The following CARMIL1 variants were observed in gnomAD, a reference collection of about 807,000 sequenced individuals.
CARMIL1 encodes capping protein regulator and myosin 1 linker 1, also known as F-actin-uncapping protein LRRC16A.
In CARMIL1, 90 loss-of-function variants were observed where a neutral mutation model predicts 177.1. That is an observed-to-expected ratio of 0.51 (90% CI 0.43 to 0.61). The LOEUF (loss-of-function observed/expected upper bound fraction) is 0.61. CARMIL1 is among the 20% of genes least tolerant of loss of function. The pLI is 0.00. For synonymous variants in CARMIL1, 577 were observed against 606.2 expected (o/e 0.95, Z 0.71); for missense variants, 1,380 against 1,667.0 (o/e 0.83, Z 3.00).
intron 2 of CARMIL1, among the ~76,000 whole-genome samples, chr6:25,337,727 T>C (rs184113195): frequency 5.8e-4 from 88 of 152,376 alleles, no homozygotes; most frequent in African/African-American, 1.8e-3. Context: ...ATGATTCTTT[T>C]GTTGCATAGT....
chr6:25,587,436 G>A (rs1813869425), intron 31 of CARMIL1, among the ~76,000 whole-genome samples: 1 of 152,054 alleles, frequency 6.6e-6, no homozygotes, highest in Non-Finnish European at 1.5e-5. Context: ...AAAAACCTGA[G>A]CCAACTTGTT....
chr6:25,318,009 G>T (rs542874717), intron 2 of CARMIL1, among the ~76,000 whole-genome samples: 12 of 152,250 alleles, frequency 7.9e-5, no homozygotes, highest in African/African-American at 2.6e-4. Context: ...ACCGTAAAGC[G>T]TATTCAATTT....
chr6:25,520,179 G>A (rs1472439866), intron 22 of CARMIL1, 65 bp from the exon 23 acceptor site: 1 of 749,742 alleles, frequency 1.3e-6, no homozygotes, highest in African/African-American at 1.8e-5. Context: ...TTTAAAAGAA[G>A]AGTGCTGAAT....
In CARMIL1 at chr6:25,538,000, G is replaced by A; in HGVS notation, c.2196+17G>A. 1 of 1,589,790 alleles carries A rather than the reference G, an allele frequency of 6.3e-7. No individual in the cohort carries two copies. The highest frequency in any genetic ancestry group is 8.6e-7 in the Non-Finnish European group (1 of 1,168,754). On this transcript the variant is annotated intron_variant, in intron 25 of 36. Coordinates refer to ENST00000329474, the MANE Select transcript of CARMIL1 (RefSeq NM_017640.6). ...TCTAAAACGGTGAGTTTCACTTCAG[G>A]CTGTGTGAGAGTCTGGTATAATAAA... is the stretch of plus-strand genomic sequence containing the variant.
intron 27 of CARMIL1, among the ~76,000 whole-genome samples, chr6:25,553,561 T>G (rs1033079331): frequency 2.0e-5 from 3 of 152,178 alleles, no homozygotes; most frequent in African/African-American, 7.2e-5. Flanking sequence ...ATCATTTGAT[T>G]GGTGAAAAGT....
At chr6:25,563,930 A>G in intron 29 of CARMIL1, 13 of 933,002 alleles carry the variant, frequency 1.4e-5, no homozygotes, top group Non-Finnish European at 1.7e-5. Flanking sequence ...CTAGTGAGTC[A>G]TGAAATCAGT....
At chr6:25,572,702 C>CAAAA (rs35085655) in intron 29 of CARMIL1, among the ~76,000 whole-genome samples, 17 of 53,182 alleles carry the variant, frequency 3.2e-4, no homozygotes, top group Non-Finnish European at 4.0e-4. Context: ...GACCTTGTCT[C>CAAAA]AAAAAAAAAA....
intron 2 of CARMIL1, among the ~76,000 whole-genome samples, chr6:25,373,607 A>G (rs1790659323): frequency 6.8e-6 from 1 of 146,806 alleles, no homozygotes; most frequent in Non-Finnish European, 1.5e-5. Flanking sequence ...TTTTTTTGAC[A>G]GAGTCTCGCT....
chr6:25,299,962 G>A (rs1292956827), intron 2 of CARMIL1, among the ~76,000 whole-genome samples: 2 of 146,488 alleles, frequency 1.4e-5, no homozygotes, highest in Admixed American at 6.8e-5. Flanking sequence ...TGGGGCGACA[G>A]AGTGAGACTC....
intron 2 of CARMIL1, among the ~76,000 whole-genome samples, chr6:25,404,531 C>T (rs951359839): frequency 3.9e-5 from 6 of 151,926 alleles, no homozygotes; most frequent in South Asian, 2.1e-4. Context: ...ATGAGGTGGG[C>T]GGATCACCTG....
intron 29 of CARMIL1, among the ~76,000 whole-genome samples, chr6:25,564,946 T>A (rs1043444706): frequency 4.0e-5 from 6 of 150,828 alleles, no homozygotes; most frequent in Non-Finnish European, 7.4e-5. Context: ...GGGGGAGGGG[T>A]GTTGTTAAGG....
At chr6:25,362,864 G>A (rs28713764) in intron 2 of CARMIL1, among the ~76,000 whole-genome samples, 8,526 of 151,162 alleles carry the variant, frequency 0.056, 367 homozygotes, top group African/African-American at 0.13. Context: ...GTGAAACCTC[G>A]TCTCTACTAA....
intron 16 of CARMIL1, among the ~76,000 whole-genome samples, chr6:25,499,485 G>A (rs1386272874): frequency 6.6e-6 from 1 of 152,218 alleles, no homozygotes; most frequent in Non-Finnish European, 1.5e-5. Flanking sequence ...TTATAGGACT[G>A]ACTTGTCAAA....
chr6:25,543,411 G>A (rs969297), intron 26 of CARMIL1, among the ~76,000 whole-genome samples: 124,449 of 152,084 alleles, frequency 0.82, 51,271 homozygotes, highest in East Asian at 0.95. Context: ...TCTTTGAAGG[G>A]GATGATGTTT....
chr6:25,517,491 A>T (rs1806117350), intron 22 of CARMIL1, 76 bp downstream of exon 22: 6 of 1,127,076 alleles, frequency 5.3e-6, no homozygotes, highest in South Asian at 5.3e-5. Context: ...CCTGTTGGGT[A>T]ATAGAATCAA....
chr6:25,325,544 G>T (rs1490605726), intron 2 of CARMIL1, among the ~76,000 whole-genome samples: 1 of 152,176 alleles, frequency 6.6e-6, no homozygotes, highest in East Asian at 1.9e-4. Context: ...TTGGCTTAAA[G>T]GGAATTATTC....
chr6:25,477,972 C>T (rs947902192), intron 11 of CARMIL1, among the ~76,000 whole-genome samples: 7 of 150,584 alleles, frequency 4.6e-5, no homozygotes, highest in Admixed American at 2.7e-4. Flanking sequence ...CCTCCCCACT[C>T]AGTCTCCCAA....
chr6:25,493,139 G>A (rs528493620), intron 15 of CARMIL1, among the ~76,000 whole-genome samples: 1 of 152,274 alleles, frequency 6.6e-6, no homozygotes, highest in Admixed American at 6.5e-5. Flanking sequence ...AGACTATAAA[G>A]GTTTTTGTAT....
intron 2 of CARMIL1, among the ~76,000 whole-genome samples, chr6:25,403,863 A>AT (rs1453161282): frequency 1.3e-5 from 2 of 152,182 alleles, no homozygotes; most frequent in Non-Finnish European, 2.9e-5. Flanking sequence ...TGTTTTACTT[A>AT]TTTATTCCTG....
Sources: allele counts gnomAD v4.1 joint callset (sites outside exome capture counted in the v4.1 genomes callset), GRCh38; gene constraint gnomAD v4.1.1; transcripts MANE v1.5; gene names NCBI Gene and HGNC (gene_info 2026-07-23, HGNC 2026-07-21).